EPHA5: variants seen among roughly 807,000 people sequenced by gnomAD.
EPHA5 encodes the protein EPH receptor A5.
A neutral mutation model predicts 105.0 loss-of-function variants in EPHA5; 60 were observed. The observed-to-expected ratio is 0.57, with a 90% CI of 0.46 to 0.71. The LOEUF (loss-of-function observed/expected upper bound fraction) is 0.71, where lower values mean the gene tolerates loss of function less well. Ranked by LOEUF, EPHA5 falls within the 30% of genes least tolerant of loss-of-function variation. The probability of loss-of-function intolerance (pLI) is 0.00; values close to 1 mark genes in which losing one functional copy is unlikely to be tolerated. For synonymous variants in EPHA5, 513 were observed against 449.1 expected (o/e 1.14, Z -1.80); for missense variants, 1,218 against 1,274.7 (o/e 0.96, Z 0.68).
chr4:65,552,018 A>G (rs1737967928), intron 3 of EPHA5, among the ~76,000 whole-genome samples: 1 of 152,196 alleles, frequency 6.6e-6, no homozygotes, highest in Non-Finnish European at 1.5e-5. Context: ...CAAGCTGAGC[A>G]ATGATTTAGG....
chr4:65,547,546 A>G (rs1438555900), intron 3 of EPHA5, among the ~76,000 whole-genome samples: 3 of 151,998 alleles, frequency 2.0e-5, no homozygotes, highest in Non-Finnish European at 2.9e-5. Flanking sequence ...CATTTCTGGT[A>G]TCTTTCATAT....
intron 3 of EPHA5, among the ~76,000 whole-genome samples, chr4:65,523,786 C>A (rs1305559433): frequency 6.6e-6 from 1 of 151,880 alleles, no homozygotes; most frequent in Non-Finnish European, 1.5e-5. Context: ...AGACTACTGA[C>A]TAAGAGATTT....
chr4:65,584,578 A>G (rs1578496057), intron 3 of EPHA5, among the ~76,000 whole-genome samples: 1 of 152,070 alleles, frequency 6.6e-6, no homozygotes, highest in Non-Finnish European at 1.5e-5. Context: ...AGGAACCAGT[A>G]TGAACAAAAA....
intron 7 of EPHA5, among the ~76,000 whole-genome samples, chr4:65,407,138 C>T (rs1722440845): frequency 6.6e-6 from 1 of 151,982 alleles, no homozygotes; most frequent in African/African-American, 2.4e-5. Flanking sequence ...TGATGTTTCC[C>T]TGATCAAAAA....
intron 3 of EPHA5, among the ~76,000 whole-genome samples, chr4:65,558,213 T>C (rs1296182973): frequency 1.3e-5 from 2 of 152,104 alleles, no homozygotes. Flanking sequence ...AAAATTTATT[T>C]CCATATTTCT....
intron 3 of EPHA5, among the ~76,000 whole-genome samples, chr4:65,498,412 A>T (rs1732155371): frequency 6.6e-6 from 1 of 151,936 alleles, no homozygotes; most frequent in African/African-American, 2.4e-5. Flanking sequence ...TTATTAAGCC[A>T]AGGAATAATG....
intron 3 of EPHA5, among the ~76,000 whole-genome samples, chr4:65,568,735 C>G (rs1261822258): frequency 6.6e-6 from 1 of 150,790 alleles, no homozygotes; most frequent in East Asian, 1.9e-4. Context: ...TACACTTTTT[C>G]AAACCATAAC....
At chr4:65,640,808 T>G (rs4472187) in intron 2 of EPHA5, among the ~76,000 whole-genome samples, 2 of 151,990 alleles carry the variant, frequency 1.3e-5, no homozygotes, top group Admixed American at 1.3e-4. Flanking sequence ...CTGAGCATAC[T>G]TACATCCTTG....
chr4:65,420,366 G>T, intron 6 of EPHA5, 75 bp downstream of exon 6: 2 of 1,412,606 alleles, frequency 1.4e-6, no homozygotes, highest in East Asian at 2.4e-5. Flanking sequence ...ATACTCTTCT[G>T]CAAGTTGGAT....
intron 2 of EPHA5, among the ~76,000 whole-genome samples, chr4:65,626,030 G>A (rs1026113538): frequency 2.6e-5 from 4 of 151,252 alleles, no homozygotes; most frequent in Admixed American, 2.6e-4. Context: ...GAACCCGGGA[G>A]GCGGAGCTTG....
chr4:65,502,221 C>T (rs888290783), intron 3 of EPHA5, among the ~76,000 whole-genome samples: 2 of 150,834 alleles, frequency 1.3e-5, no homozygotes, highest in African/African-American at 2.4e-5. Context: ...TAAGTCTTTA[C>T]AAGCAATTGT....
intron 5 of EPHA5, among the ~76,000 whole-genome samples, chr4:65,478,893 A>T (rs1491002949): frequency 6.6e-6 from 1 of 152,194 alleles, no homozygotes; most frequent in Non-Finnish European, 1.5e-5. Context: ...TATAGTTCCC[A>T]TTAGAAAAGG....
intron 5 of EPHA5, among the ~76,000 whole-genome samples, chr4:65,441,414 G>C (rs997467145): frequency 6.6e-6 from 1 of 151,946 alleles, no homozygotes; most frequent in Non-Finnish European, 1.5e-5. Context: ...TATATTTATA[G>C]TATTTACTTA....
chr4:65,348,701 AT>A (rs1278039407), intron 13 of EPHA5, among the ~76,000 whole-genome samples: 5 of 111,780 alleles, frequency 4.5e-5, no homozygotes, highest in African/African-American at 1.4e-4. Context: ...TATATATAAA[AT>A]ATATATGTGT....
chr4:65,595,500 C>T (rs1415198236), intron 3 of EPHA5, among the ~76,000 whole-genome samples: 1 of 151,964 alleles, frequency 6.6e-6, no homozygotes, highest in East Asian at 1.9e-4. Flanking sequence ...CAGGAATATA[C>T]TACCTACTTA....
At chr4:65,493,478 C>A (rs1420567828) in intron 4 of EPHA5, among the ~76,000 whole-genome samples, 1 of 152,094 alleles carries the variant, frequency 6.6e-6, no homozygotes, top group Non-Finnish European at 1.5e-5. Context: ...ATCTGAACAT[C>A]TATCAGGCGA....
At chr4:65,465,195 T>C (rs570344846) in intron 5 of EPHA5, among the ~76,000 whole-genome samples, 12 of 152,054 alleles carry the variant, frequency 7.9e-5, no homozygotes, top group African/African-American at 2.7e-4. Context: ...CCTAGCACTT[T>C]GGGAGGCAGA....
At chr4:65,487,697 A>G (rs1362388481) in intron 5 of EPHA5, among the ~76,000 whole-genome samples, 1 of 151,994 alleles carries the variant, frequency 6.6e-6, no homozygotes, top group Non-Finnish European at 1.5e-5. Flanking sequence ...GACCCAACCA[A>G]TCAGCACTCC....
At chr4:65,628,875 C>T (rs1746383567) in intron 2 of EPHA5, among the ~76,000 whole-genome samples, 1 of 152,132 alleles carries the variant, frequency 6.6e-6, no homozygotes, top group Non-Finnish European at 1.5e-5. Flanking sequence ...ATACAAAACT[C>T]TCTTAAATTT....
Sources: gnomAD v4.1 joint callset for allele counts (sites outside exome capture counted in the v4.1 genomes callset) on GRCh38, gnomAD v4.1.1 for gene constraint, MANE v1.5 for transcripts, NCBI Gene and HGNC (gene_info 2026-07-23, HGNC 2026-07-21) for gene names.